PAK1IP1: variants seen among roughly 807,000 people sequenced by gnomAD.
PAK1IP1 encodes p21-activated protein kinase-interacting protein 1.
PAK1IP1 carries 24 observed loss-of-function variants against 42.0 expected under a neutral mutation model. The observed-to-expected ratio is 0.57, with a 90% CI of 0.41 to 0.80. PAK1IP1 has a LOEUF of 0.80. PAK1IP1 is among the 30% of genes least tolerant of loss of function. The probability of loss-of-function intolerance (pLI) is 0.00; values close to 1 mark genes in which losing one functional copy is unlikely to be tolerated. For missense variants in PAK1IP1, 411 were observed against 467.9 expected (o/e 0.88, Z 1.12); for synonymous variants, 154 against 156.7 (o/e 0.98, Z 0.13).
chr6:10,705,718 CT>C (rs1409271150), intron 7 of PAK1IP1, among the ~76,000 whole-genome samples: 1 of 152,156 alleles, frequency 6.6e-6, no homozygotes, highest in Non-Finnish European at 1.5e-5. Context: ...TCTTATATCC[CT>C]GCTTTCTCCA....
chr6:10,705,514 C>T (rs1164044033), intron 7 of PAK1IP1, among the ~76,000 whole-genome samples: 2 of 152,104 alleles, frequency 1.3e-5, no homozygotes, highest in Admixed American at 6.6e-5. Context: ...TACTTCTTCC[C>T]CCTTTCCATG....
chr6:10,702,425 G>A lies in PAK1IP1; in HGVS notation c.304G>A (p.Asp102Asn). The A allele has an allele frequency of 6.2e-7, 1 of 1,613,838 alleles. No homozygotes were observed. The highest frequency in any genetic ancestry group is 8.5e-7 in the Non-Finnish European group (1 of 1,179,706). The change falls in exon 3 of 10, where the codon GAT (aspartate) becomes AAT (asparagine). Residue 102 changes from aspartate (D) to asparagine (N), a missense_variant. Asp to Asn is a conservative substitution (Grantham distance 23). Transcript: ENST00000379568. ...GNRHLISGAE[D>N]GLICIWDAKK... is the part of the protein sequence containing the mutation. ...CAGGCATTTAATCAGTGGAGCGGAA[G>A]ATGGACTCATCTGTATCTGGGATGC... is the stretch of plus-strand genomic sequence containing the variant.
At chr6:10,702,204 C>T (rs1429501310) in intron 2 of PAK1IP1, among the ~76,000 whole-genome samples, 165 bp from the exon 3 acceptor site, 2 of 148,708 alleles carry the variant, frequency 1.3e-5, no homozygotes, top group African/African-American at 5.0e-5. Context: ...CATGCCATAG[C>T]ACTTCAGCCT....
chr6:10,707,119 CTTTG>C (rs1770226862), intron 7 of PAK1IP1, among the ~76,000 whole-genome samples: 1 of 152,062 alleles, frequency 6.6e-6, no homozygotes, highest in Non-Finnish European at 1.5e-5. Flanking sequence ...AGGTGATGGG[CTTTG>C]TTTTACTCAT....
intron 2 of PAK1IP1, among the ~76,000 whole-genome samples, chr6:10,697,890 CAA>C (rs766236291): frequency 4.0e-4 from 35 of 88,418 alleles, no homozygotes; most frequent in African/African-American, 5.5e-4. Flanking sequence ...GACTCTGTCT[CAA>C]AAAAAAAAAA....
intron 5 of PAK1IP1, 42 bp downstream of exon 5, chr6:10,703,499 C>A: frequency 7.0e-7 from 1 of 1,428,430 alleles, no homozygotes; most frequent in Non-Finnish European, 9.8e-7. Flanking sequence ...CATTCCTAAT[C>A]TGGAAATCTG....
intron 8 of PAK1IP1, 28 bp from the exon 9 acceptor site, chr6:10,708,925 A>T: frequency 6.4e-7 from 1 of 1,560,822 alleles, no homozygotes; most frequent in Admixed American, 2.0e-5. Context: ...GAAAATGCAC[A>T]TTATGAATGT....
rs546238803 is a variant in PAK1IP1 at position 10,703,417 on chromosome 6, T to G, written c.456T>G (p.Leu152=). ...GTDKTLRTWN[L]VEGRSAFIKN... ...TCCTGTTTTGCAGAACGTGGAATCT[T>G]GTAGAAGGAAGATCAGCATTCATAA... The change falls in exon 5 of 10, where the codon CTT becomes CTG. Residue 152 remains leucine (L), a synonymous_variant. Transcript: ENST00000379568. 6.2e-7 allele frequency: 1 copy of G among 1,611,880 alleles called. No individual in the cohort carries two copies. The highest frequency in any genetic ancestry group is 1.3e-5 in the African/African-American group (1 of 74,998).
chr6:10,691,600 ACTT>A (rs780923212), upstream of PAK1IP1, among the ~76,000 whole-genome samples: 33 of 151,966 alleles, frequency 2.2e-4, no homozygotes, highest in African/African-American at 5.8e-4. Context: ...TTTAGTTTTT[ACTT>A]CTTCTTTGGA....
intron 8 of PAK1IP1, among the ~76,000 whole-genome samples, chr6:10,708,394 G>A (rs1214186882): frequency 2.6e-5 from 4 of 152,004 alleles, no homozygotes; most frequent in Admixed American, 2.6e-4. Context: ...TGAATACTAC[G>A]CCGTTGTGTG....
chr6:10,707,127 T>C (rs1477043741), intron 7 of PAK1IP1, among the ~76,000 whole-genome samples: 1 of 152,226 alleles, frequency 6.6e-6, no homozygotes, highest in Non-Finnish European at 1.5e-5. Flanking sequence ...GGCTTTGTTT[T>C]ACTCATCTTT....
intron 1 of PAK1IP1, 46 bp downstream of exon 1, chr6:10,695,115 G>A: frequency 1.6e-6 from 2 of 1,254,066 alleles, no homozygotes; most frequent in Non-Finnish European, 2.3e-6. Flanking sequence ...GGGCCGGGAA[G>A]GTCGGGTTTG....
At chr6:10,694,599 A>ATTGT, upstream of PAK1IP1, 1 of 178,262 alleles carries the variant, frequency 5.6e-6, no homozygotes, top group Non-Finnish European at 1.2e-5. Context: ...ACAGCCCCTA[A>ATTGT]GCAACCGGCC....
At chr6:10,701,340 G>A (rs1450367579) in intron 2 of PAK1IP1, among the ~76,000 whole-genome samples, 16 of 152,188 alleles carry the variant, frequency 1.1e-4, no homozygotes, top group Admixed American at 1.0e-3. Context: ...GTCTCCCAAA[G>A]TGCTGGGATT....
At chr6:10,700,147 C>G (rs1235321979) in intron 2 of PAK1IP1, among the ~76,000 whole-genome samples, 1 of 152,104 alleles carries the variant, frequency 6.6e-6, no homozygotes, top group African/African-American at 2.4e-5. Context: ...CAGCTTCTGC[C>G]TCCTGGGTTT....
chr6:10,697,331 C>T lies in PAK1IP1; in HGVS notation c.92C>T (p.Thr31Ile), dbSNP rs777145719. Reference sequence around the variant, plus strand: ...TGTTTTCATCTTCAGCAGCAATGGACTCTTGTGGCTGACTTCACTCACCAT... The same window carrying T: ...TGTTTTCATCTTCAGCAGCAATGGATTCTTGTGGCTGACTTCACTCACCAT... ...PEACGDHEQW[T>I]LVADFTHHAH... Residue 31 changes from threonine (T) to isoleucine (I), a missense_variant, in exon 2 of 10, where the codon ACT becomes ATT. Physicochemically the swap from Thr to Ile is moderately conservative, Grantham distance 89. Transcript: ENST00000379568. The T allele has an allele frequency of 1.2e-6, 2 of 1,613,098 alleles. No homozygotes were observed. The highest frequency in any genetic ancestry group is 1.3e-5 in the African/African-American group (1 of 74,902).
At position 10,702,552 on chromosome 6, in the gene PAK1IP1, G is replaced by A. The variant is rs1770061002; in HGVS notation, c.369-13G>A. On this transcript the variant is annotated splice_polypyrimidine_tract_variant and intron_variant, in intron 3 of 9. Coordinates refer to ENST00000379568, the MANE Select transcript of PAK1IP1 (RefSeq NM_017906.3). The stretch of plus-strand genomic sequence containing the variant: ...CCAGTCAAGTTGGGGACTAACTTTT[G>A]GTTTCATTATAGAGGACAGGTGACC... 3.1e-6 allele frequency: 5 copies of A among 1,613,874 alleles called. No homozygotes were observed. In the East Asian group the frequency reaches 1.1e-4, roughly 36 times the overall value.
chr6:10,695,376 T>C (rs2127477728), intron 1 of PAK1IP1, among the ~76,000 whole-genome samples: 1 of 152,298 alleles, frequency 6.6e-6, no homozygotes, highest in African/African-American at 2.4e-5. Flanking sequence ...AAGTTGACAG[T>C]ATTCAGAATT....
Position 10,704,438 on chromosome 6 carries a change from T to A in PAK1IP1, c.497-69T>A. 6 of 891,602 alleles carry A rather than the reference T, an allele frequency of 6.7e-6. No individual in the cohort carries two copies. The South Asian group carries it at 8.7e-5, about 13-fold the overall frequency. The allele number at this position is 891,602 out of a possible 1,614,324, so 55.2% of individuals were successfully genotyped here. A position where few individuals can be genotyped will look rare whatever the true frequency, so the allele number is the denominator to read the frequency against. ...AAATGCACAGTATAAATATTTGCTA[T>A]TTTTATTACTATGATCATTTTATGT... is the stretch of plus-strand genomic sequence containing the variant. On this transcript the variant is annotated intron_variant, in intron 5 of 9. Coordinates refer to ENST00000379568, the MANE Select transcript of PAK1IP1 (RefSeq NM_017906.3).
Sources: allele counts gnomAD v4.1 joint callset (sites outside exome capture counted in the v4.1 genomes callset), GRCh38; gene constraint gnomAD v4.1.1; transcripts MANE v1.5; gene names NCBI Gene and HGNC (gene_info 2026-07-23, HGNC 2026-07-21).